ZNF423: variants seen among roughly 807,000 people sequenced by gnomAD.
ZNF423 encodes the protein Ebf-associated zinc finger protein.
A neutral mutation model predicts 95.8 loss-of-function variants in ZNF423; 12 were observed. The ratio of observed to expected loss-of-function variants is 0.13; its 90% CI spans 0.08 to 0.20. ZNF423 has a LOEUF of 0.20. Ranked by LOEUF, ZNF423 falls within the 10% of genes least tolerant of loss-of-function variation. ZNF423 has a pLI of 1.00. For missense variants in ZNF423, 1,316 were observed against 1,737.1 expected (o/e 0.76, Z 4.31); for synonymous variants, 749 against 711.9 (o/e 1.05, Z -0.83).
intron 2 of ZNF423, among the ~76,000 whole-genome samples, chr16:49,784,670 C>A (rs1248130121): frequency 6.6e-6 from 1 of 152,134 alleles, no homozygotes; most frequent in African/African-American, 2.4e-5. Flanking sequence ...AGTGGATCAG[C>A]CAGGTGTGGT....
chr16:49,766,470 T>C (rs1291282361), intron 2 of ZNF423, among the ~76,000 whole-genome samples: 4 of 152,350 alleles, frequency 2.6e-5, no homozygotes, highest in Admixed American at 1.3e-4. Flanking sequence ...GCCACAGCAC[T>C]GAGAGACCCT....
intron 7 of ZNF423, among the ~76,000 whole-genome samples, chr16:49,509,177 T>C (rs929577184): frequency 9.9e-5 from 15 of 152,258 alleles, no homozygotes; most frequent in Admixed American, 3.3e-4. Flanking sequence ...AGGTGGTACA[T>C]AGATTTTAGC....
At chr16:49,620,767 G>A (rs999649166) in intron 5 of ZNF423, among the ~76,000 whole-genome samples, 1 of 152,208 alleles carries the variant, frequency 6.6e-6, no homozygotes, top group Non-Finnish European at 1.5e-5. Context: ...TCAAGGACAA[G>A]TTCTCAGACC....
At chr16:49,723,795 C>T (rs1406725609) in intron 3 of ZNF423, among the ~76,000 whole-genome samples, 1 of 152,208 alleles carries the variant, frequency 6.6e-6, no homozygotes, top group Non-Finnish European at 1.5e-5. Flanking sequence ...ACCTTTTCAT[C>T]CTAATCCCAG....
At chr16:49,833,021 C>G (rs1318215743) in intron 1 of ZNF423, among the ~76,000 whole-genome samples, 2 of 152,242 alleles carry the variant, frequency 1.3e-5, no homozygotes, top group Non-Finnish European at 2.9e-5. Flanking sequence ...CAGTTCGCAG[C>G]CTTCATCTAA....
chr16:49,623,049 G>T (rs1450419329), intron 5 of ZNF423, among the ~76,000 whole-genome samples: 1 of 152,214 alleles, frequency 6.6e-6, no homozygotes, highest in East Asian at 1.9e-4. Context: ...GGGGAGGGCA[G>T]GCAGGTAGGG....
intron 3 of ZNF423, among the ~76,000 whole-genome samples, chr16:49,645,685 T>C (rs1218578064): frequency 6.6e-6 from 1 of 152,210 alleles, no homozygotes; most frequent in Non-Finnish European, 1.5e-5. Context: ...GGCTGTGTCC[T>C]CACCCAAATC....
chr16:49,600,649 G>A (rs929290730), intron 5 of ZNF423, among the ~76,000 whole-genome samples: 3 of 152,114 alleles, frequency 2.0e-5, no homozygotes, highest in Admixed American at 6.5e-5. Context: ...CCCCTCTCTC[G>A]TGGGGAGCAG....
In ZNF423 at chr16:49,602,365, G is replaced by A. The variant is rs189152090; in HGVS notation, c.3601+23805C>T. ...GGCCCTCCTCATCTTTTCTGCACTC[G>A]AAGAGTTTCACCGTAGAAGATGTCC... On this transcript the variant is annotated intron_variant, in intron 5 of 7. Transcript: ENST00000563137. Among the ~76,000 whole-genome samples the A allele has an allele frequency of 2.9e-3, 448 of 152,292 alleles. 1 individual carries two copies. The highest frequency in any genetic ancestry group is 0.01 in the African/African-American group (434 of 41,572).
intron 1 of ZNF423, among the ~76,000 whole-genome samples, chr16:49,802,208 T>C (rs2034593268): frequency 6.6e-6 from 1 of 152,114 alleles, no homozygotes; most frequent in Admixed American, 6.6e-5. Flanking sequence ...CAGGTCTGGT[T>C]CCAGATTGAG....
intron 1 of ZNF423, among the ~76,000 whole-genome samples, chr16:49,791,946 G>T (rs959089141): frequency 6.1e-5 from 9 of 147,280 alleles, no homozygotes; most frequent in Non-Finnish European, 1.2e-4. Context: ...AGACTGCAGT[G>T]AGCTGATACT....
At chr16:49,735,633 G>A (rs2033267336) in intron 2 of ZNF423, among the ~76,000 whole-genome samples, 1 of 152,172 alleles carries the variant, frequency 6.6e-6, no homozygotes, top group African/African-American at 2.4e-5. Flanking sequence ...GTCAGAAGGA[G>A]GCTTGCAGCT....
intron 5 of ZNF423, among the ~76,000 whole-genome samples, chr16:49,581,527 T>C (rs1265383809): frequency 2.0e-5 from 3 of 152,208 alleles, no homozygotes; most frequent in African/African-American, 4.8e-5. Context: ...AGGCCTCCAT[T>C]AGCTGGTAAA....
intron 1 of ZNF423, among the ~76,000 whole-genome samples, chr16:49,792,528 C>T (rs373773061): frequency 1.3e-5 from 2 of 152,214 alleles, no homozygotes; most frequent in African/African-American, 4.8e-5. Context: ...TCACTGCAAG[C>T]AGCCGCATGA....
chr16:49,694,780 G>A (rs983145739), intron 3 of ZNF423, among the ~76,000 whole-genome samples: 1 of 152,228 alleles, frequency 6.6e-6, no homozygotes, highest in African/African-American at 2.4e-5. Context: ...TGAGGGTGGA[G>A]GATTACTCCT....
intron 3 of ZNF423, among the ~76,000 whole-genome samples, chr16:49,708,447 C>CA (rs1406787403): frequency 6.6e-6 from 1 of 152,050 alleles, no homozygotes. Flanking sequence ...CCACCATGTC[C>CA]AGCTAATTTT....
At position 49,576,367 on chromosome 16, in the gene ZNF423, G is replaced by T. The variant is rs1010867578; in HGVS notation, c.3601+49803C>A. ...GGTGGGGGCAGGGGCAGAGGCAGGG[G>T]TGCAGGCAAGAGCAGTAGCTGGGCT... is the stretch of plus-strand genomic sequence containing the variant. On this transcript the variant is annotated intron_variant, in intron 5 of 7. Coordinates refer to ENST00000563137, the MANE Select transcript of ZNF423 (RefSeq NM_001379286.1). Among the ~76,000 whole-genome samples, 2 of 152,216 alleles carry T rather than the reference G, an allele frequency of 1.3e-5. 1 individual carries two copies. The highest frequency in any genetic ancestry group is 2.9e-5 in the Non-Finnish European group (2 of 68,026).
intron 3 of ZNF423, among the ~76,000 whole-genome samples, chr16:49,701,573 TAAGG>T (rs1195401574): frequency 6.6e-6 from 1 of 152,076 alleles, no homozygotes; most frequent in African/African-American, 2.4e-5. Flanking sequence ...TTAACAGCTC[TAAGG>T]AAGAGGGGAG....
chr16:49,578,715 C>T (rs1970575627), intron 5 of ZNF423, among the ~76,000 whole-genome samples: 1 of 152,200 alleles, frequency 6.6e-6, no homozygotes, highest in African/African-American at 2.4e-5. Context: ...GGGAGGGGGA[C>T]CAGCAGAAAC....
Sources: allele counts gnomAD v4.1 joint callset (sites outside exome capture counted in the v4.1 genomes callset), GRCh38; gene constraint gnomAD v4.1.1; transcripts MANE v1.5; gene names NCBI Gene and HGNC (gene_info 2026-07-23, HGNC 2026-07-21).